The following SCAPER variants were observed in gnomAD, a reference collection of about 807,000 sequenced individuals.
SCAPER encodes the protein S phase cyclin A-associated protein in the endoplasmic reticulum.
A neutral mutation model predicts 182.2 loss-of-function variants in SCAPER; 98 were observed. That is an observed-to-expected ratio of 0.54 (90% CI 0.46 to 0.64). SCAPER has a LOEUF of 0.64. Ranked by LOEUF, SCAPER falls within the 30% of genes least tolerant of loss-of-function variation. The pLI, the probability that SCAPER is intolerant of heterozygous loss-of-function variation, is 0.00. For missense variants in SCAPER, 1,432 were observed against 1,690.0 expected (o/e 0.85, Z 2.68); for synonymous variants, 605 against 564.6 (o/e 1.07, Z -1.01).
intron 29 of SCAPER, among the ~76,000 whole-genome samples, chr15:76,358,791 CG>C (rs2141703385): frequency 6.6e-6 from 1 of 152,320 alleles, no homozygotes; most frequent in South Asian, 2.1e-4. Context: ...CAACCTCAGC[CG>C]GAATTATGTT....
intron 22 of SCAPER, among the ~76,000 whole-genome samples, chr15:76,621,117 A>G (rs1173599664): frequency 6.6e-6 from 1 of 152,226 alleles, no homozygotes; most frequent in Non-Finnish European, 1.5e-5. Context: ...TAAACTGCTA[A>G]TGCACACTGC....
chr15:76,527,920 T>G (rs1247784693), intron 23 of SCAPER, among the ~76,000 whole-genome samples: 1 of 152,208 alleles, frequency 6.6e-6, no homozygotes, highest in Non-Finnish European at 1.5e-5. Flanking sequence ...TTTCCCCAAC[T>G]ATCTGGAAAC....
Position 76,352,980 on chromosome 15 carries a change from T to C in SCAPER, c.4047+969A>G, listed in dbSNP as rs114583564. 3.7e-3 allele frequency among the ~76,000 whole-genome samples: 556 copies of C among 152,214 alleles called. 7 individuals are homozygous for C. The highest frequency in any genetic ancestry group is 0.013 in the African/African-American group (543 of 41,528). The stretch of plus-strand genomic sequence containing the variant: ...CGAAAACAAAACTTTTCTAACATAA[T>C]TGATCTAGTTGCGTTTATTAATTAT... On this transcript the variant is annotated intron_variant, in intron 30 of 31. Transcript: ENST00000563290.
intron 9 of SCAPER, 78 bp downstream of exon 9, chr15:76,774,777 C>T (rs2063650892): frequency 7.0e-7 from 1 of 1,429,598 alleles, no homozygotes; most frequent in South Asian, 1.5e-5. Flanking sequence ...AAATGAAGTA[C>T]AAAACTAAGA....
At chr15:76,471,635 G>T (rs928536013) in intron 24 of SCAPER, among the ~76,000 whole-genome samples, 7 of 152,172 alleles carry the variant, frequency 4.6e-5, no homozygotes, top group Admixed American at 1.3e-4. Context: ...TCTAAGACTA[G>T]ATGTTATCTA....
chr15:76,574,248 T>C lies in SCAPER; in HGVS notation c.2748A>G (p.Val916=). 6.2e-7 allele frequency: 1 copy of C among 1,611,966 alleles called. No homozygotes were observed. The highest frequency in any genetic ancestry group is 8.5e-7 in the Non-Finnish European group (1 of 1,178,950). The change falls in exon 23 of 32, where the codon GTA becomes GTG. Residue 916 remains valine (V), a synonymous_variant. Coordinates refer to ENST00000563290, the MANE Select transcript of SCAPER (RefSeq NM_020843.4). ...QRLAKDLLKQ[V]QVQDSGSWAN... is the part of the protein sequence containing the mutation. ...CCCATGAGCCACTGTCTTGAACTTGTACTTGTTTTAGAAGATCTTTGGCTA... is the reference window on the plus strand; with the variant it reads ...CCCATGAGCCACTGTCTTGAACTTGCACTTGTTTTAGAAGATCTTTGGCTA...
At chr15:76,900,162 C>A (rs12397542) in intron 1 of SCAPER, among the ~76,000 whole-genome samples, 13 of 149,910 alleles carry the variant, frequency 8.7e-5, no homozygotes, top group South Asian at 2.1e-4. Flanking sequence ...AGAGTCATCA[C>A]CACTCCCTAA....
intron 28 of SCAPER, among the ~76,000 whole-genome samples, chr15:76,376,947 C>T (rs968548682): frequency 5.3e-5 from 8 of 152,090 alleles, no homozygotes; most frequent in Admixed American, 2.0e-4. Flanking sequence ...CGGCGGTGGG[C>T]GACTCAAGAA....
At chr15:76,430,117 C>A (rs749816892) in intron 26 of SCAPER, among the ~76,000 whole-genome samples, 10 of 152,180 alleles carry the variant, frequency 6.6e-5, no homozygotes, top group Non-Finnish European at 1.5e-4. Flanking sequence ...TGCAGGTGCA[C>A]CGAAGTCAAG....
intron 20 of SCAPER, among the ~76,000 whole-genome samples, chr15:76,683,391 G>C (rs2057845098): frequency 6.6e-6 from 1 of 152,062 alleles, no homozygotes; most frequent in Admixed American, 6.5e-5. Flanking sequence ...AAACCTCTGA[G>C]AAATATGGGA....
intron 24 of SCAPER, among the ~76,000 whole-genome samples, chr15:76,472,538 G>T (rs564204938): frequency 2.0e-5 from 3 of 152,246 alleles, no homozygotes; most frequent in Admixed American, 6.5e-5. Context: ...GCTAATTTTT[G>T]TATTTTTAGT....
chr15:76,421,171 T>C (rs1011280454), intron 26 of SCAPER, among the ~76,000 whole-genome samples: 3 of 152,346 alleles, frequency 2.0e-5, no homozygotes, highest in African/African-American at 2.4e-5. Context: ...GTATTTCTAG[T>C]TCTAGATCCT....
chr15:76,902,924 G>A (rs972290863), intron 1 of SCAPER, among the ~76,000 whole-genome samples: 1 of 152,144 alleles, frequency 6.6e-6, no homozygotes, highest in African/African-American at 2.4e-5. Flanking sequence ...AGCCAGGCAT[G>A]GTGGTGAGTG....
chr15:76,717,717 G>C (rs1440806338), intron 17 of SCAPER, among the ~76,000 whole-genome samples: 2 of 152,008 alleles, frequency 1.3e-5, no homozygotes, highest in African/African-American at 4.8e-5. Context: ...ATTATTTAAT[G>C]ATAAAGGGGT....
intron 2 of SCAPER, among the ~76,000 whole-genome samples, chr15:76,876,523 A>G (rs1364378648): frequency 2.0e-5 from 3 of 152,090 alleles, no homozygotes; most frequent in African/African-American, 2.4e-5. Context: ...CAGATATGAG[A>G]ACACCACCAA....
chr15:76,897,882 GTAAATTCCAGA>G (rs2152621187), intron 1 of SCAPER, among the ~76,000 whole-genome samples: 1 of 151,746 alleles, frequency 6.6e-6, no homozygotes, highest in South Asian at 2.1e-4. Flanking sequence ...TTTTTTTTAG[GTAAATTCCAGA>G]TATTTCCAGG....
At chr15:76,366,086 T>TACACACACACAC (rs59741618) in intron 29 of SCAPER, among the ~76,000 whole-genome samples, 87 of 149,534 alleles carry the variant, frequency 5.8e-4, no homozygotes, top group African/African-American at 2.1e-3. Context: ...CTTACACACT[T>TACACACACACAC]ACACACACAC....
At chr15:76,489,230 A>C (rs62028434) in intron 24 of SCAPER, among the ~76,000 whole-genome samples, 46,879 of 134,956 alleles carry the variant, frequency 0.35, 8,434 homozygotes, top group East Asian at 0.57. Context: ...TGCCATTAAA[A>C]GTAACAGAAA....
chr15:76,684,530 TA>T (rs572259481), intron 20 of SCAPER, among the ~76,000 whole-genome samples: 1 of 150,818 alleles, frequency 6.6e-6, no homozygotes, highest in Non-Finnish European at 1.5e-5. Context: ...ATATTAAAAA[TA>T]AAAAAAACCT....
Sources: allele counts gnomAD v4.1 joint callset (sites outside exome capture counted in the v4.1 genomes callset), GRCh38; gene constraint gnomAD v4.1.1; transcripts MANE v1.5; gene names NCBI Gene and HGNC (gene_info 2026-07-23, HGNC 2026-07-21).